Variants in DIS3L2 observed in about 807,000 individuals in gnomAD.
The protein encoded by DIS3L2 is DIS3-like exonuclease 2.
Under a neutral mutation model 97.5 loss-of-function variants are expected in DIS3L2, and 34 were observed. The observed-to-expected ratio is 0.35, with a 90% CI of 0.27 to 0.46. The LOEUF (loss-of-function observed/expected upper bound fraction) is 0.46. Among genes scored for constraint, DIS3L2 ranks in the 20% least tolerant of loss-of-function variants. The pLI is 1.00. For synonymous variants in DIS3L2, 435 were observed against 445.2 expected (o/e 0.98, Z 0.29); for missense variants, 1,038 against 1,146.0 (o/e 0.91, Z 1.36).
At chr2:232,156,864 C>T (rs1559685316) in intron 8 of DIS3L2, among the ~76,000 whole-genome samples, 1 of 152,114 alleles carries the variant, frequency 6.6e-6, no homozygotes, top group African/African-American at 2.4e-5. Context: ...TTATACTTCT[C>T]CCAGAAGCTA....
chr2:232,255,392 C>G (rs1693533093), intron 12 of DIS3L2, among the ~76,000 whole-genome samples: 1 of 152,178 alleles, frequency 6.6e-6, no homozygotes, highest in East Asian at 1.9e-4. Context: ...GGAGAAAGCT[C>G]TGTATTTTTC....
chr2:231,988,518 A>G (rs535031788), intron 1 of DIS3L2, among the ~76,000 whole-genome samples: 1 of 152,314 alleles, frequency 6.6e-6, no homozygotes, highest in South Asian at 2.1e-4. Flanking sequence ...TGTGTCCTCC[A>G]TTCCTCCAGA....
At chr2:232,128,736 T>G (rs934751830) in intron 6 of DIS3L2, among the ~76,000 whole-genome samples, 2 of 152,162 alleles carry the variant, frequency 1.3e-5, no homozygotes, top group African/African-American at 4.8e-5. Flanking sequence ...ATTACAGGCA[T>G]GAGCCACCCA....
At chr2:232,320,852 C>T (rs996331059) in intron 14 of DIS3L2, among the ~76,000 whole-genome samples, 2 of 152,182 alleles carry the variant, frequency 1.3e-5, no homozygotes, top group East Asian at 3.8e-4. Context: ...CCTTCCCCAC[C>T]CAACAGCCTA....
At chr2:232,001,829 C>T (rs1693919478) in intron 1 of DIS3L2, among the ~76,000 whole-genome samples, 1 of 150,044 alleles carries the variant, frequency 6.7e-6, no homozygotes, top group African/African-American at 2.5e-5. Context: ...CAAGCATTCT[C>T]CTGCCTCAGC....
At chr2:232,063,790 G>A (rs1476030647) in intron 5 of DIS3L2, among the ~76,000 whole-genome samples, 2 of 152,048 alleles carry the variant, frequency 1.3e-5, no homozygotes, top group Non-Finnish European at 2.9e-5. Flanking sequence ...GCCAATACTA[G>A]CGATGTGGTT....
intron 9 of DIS3L2, among the ~76,000 whole-genome samples, chr2:232,201,321 T>C (rs972671825): frequency 6.6e-6 from 1 of 152,224 alleles, no homozygotes; most frequent in Non-Finnish European, 1.5e-5. Context: ...TACCCAACTT[T>C]CCATTTATAG....
chr2:232,337,321 T>G, downstream of DIS3L2: 2 of 389,526 alleles, frequency 5.1e-6, no homozygotes, highest in Non-Finnish European at 3.5e-6. Context: ...GGTCCTGTGA[T>G]ACCCCCTCCC....
At chr2:231,962,900 G>A (rs145682607) in intron 1 of DIS3L2, among the ~76,000 whole-genome samples, 2 of 152,190 alleles carry the variant, frequency 1.3e-5, no homozygotes, top group African/African-American at 4.8e-5. Context: ...CTGTGCTGCT[G>A]TAAAGGACAT....
chr2:232,274,274 C>G (rs1694082772), intron 13 of DIS3L2, among the ~76,000 whole-genome samples: 1 of 152,126 alleles, frequency 6.6e-6, no homozygotes, highest in Non-Finnish European at 1.5e-5. Flanking sequence ...AGGACCCTGG[C>G]TTTTGGGTAA....
At chr2:232,022,529 A>T (rs1694546792) in intron 3 of DIS3L2, among the ~76,000 whole-genome samples, 1 of 152,172 alleles carries the variant, frequency 6.6e-6, no homozygotes, top group Non-Finnish European at 1.5e-5. Context: ...GTACTTGTTC[A>T]TATGCTAACC....
At chr2:232,330,089 C>A in intron 15 of DIS3L2, 93 bp downstream of exon 15, 2 of 1,425,380 alleles carry the variant, frequency 1.4e-6, no homozygotes, top group East Asian at 4.8e-5. Context: ...TCTGCTTCCC[C>A]CCAGAGTCCC....
At chr2:232,237,167 A>G (rs527642871) in intron 10 of DIS3L2, among the ~76,000 whole-genome samples, 4 of 152,282 alleles carry the variant, frequency 2.6e-5, no homozygotes, top group South Asian at 2.1e-4. Flanking sequence ...GTATGTGTAT[A>G]TTTTTATTTT....
chr2:232,145,001 A>C (rs963602803), intron 8 of DIS3L2, among the ~76,000 whole-genome samples: 18 of 152,214 alleles, frequency 1.2e-4, no homozygotes, highest in African/African-American at 4.1e-4. Flanking sequence ...GGCATCTGCC[A>C]TGATTCCTAA....
chr2:232,051,311 C>T (rs547337486), intron 5 of DIS3L2, among the ~76,000 whole-genome samples: 81 of 152,246 alleles, frequency 5.3e-4, no homozygotes, highest in African/African-American at 1.8e-3. Flanking sequence ...GAGTTTTATT[C>T]TTTCATTTTC....
chr2:232,333,764 T>TTAG, intron 16 of DIS3L2, 76 bp from the exon 17 acceptor site: 6 of 1,444,514 alleles, frequency 4.2e-6, no homozygotes, highest in Admixed American at 2.3e-5. Context: ...ACGGTGAGGC[T>TTAG]GTGGGTGGTG....
intron 4 of DIS3L2, among the ~76,000 whole-genome samples, chr2:232,029,487 T>TA (rs1267027551): frequency 6.6e-6 from 1 of 152,100 alleles, no homozygotes; most frequent in Non-Finnish European, 1.5e-5. Context: ...AAAGTGTCTG[T>TA]ATCTTGTGTT....
intron 1 of DIS3L2, among the ~76,000 whole-genome samples, chr2:231,976,911 G>T (rs939285319): frequency 1.3e-5 from 2 of 152,002 alleles, no homozygotes; most frequent in African/African-American, 2.4e-5. Flanking sequence ...GGGACAGCAG[G>T]TGCCCGCCAC....
At chr2:232,285,100 G>A (rs746195570) in intron 13 of DIS3L2, among the ~76,000 whole-genome samples, 9 of 152,128 alleles carry the variant, frequency 5.9e-5, no homozygotes, top group Non-Finnish European at 1.0e-4. Flanking sequence ...CTTAATTTTT[G>A]TTGTTGTTTT....
Sources: gnomAD v4.1 joint callset for allele counts (sites outside exome capture counted in the v4.1 genomes callset) on GRCh38, gnomAD v4.1.1 for gene constraint, MANE v1.5 for transcripts, NCBI Gene and HGNC (gene_info 2026-07-23, HGNC 2026-07-21) for gene names.